The following GABPB2 variants were observed in gnomAD, a reference collection of about 807,000 sequenced individuals.
GABPB2 encodes the protein GA binding protein transcription factor subunit beta 2.
GABPB2 carries 23 observed loss-of-function variants against 39.1 expected under a neutral mutation model. The observed-to-expected ratio is 0.59, with a 90% CI of 0.42 to 0.83. The LOEUF (loss-of-function observed/expected upper bound fraction) is 0.83, where lower values mean the gene tolerates loss of function less well. Ranked by LOEUF, GABPB2 falls within the 40% of genes least tolerant of loss-of-function variation. GABPB2 has a pLI of 0.00. For missense variants in GABPB2, 467 were observed against 541.1 expected (o/e 0.86, Z 1.36); for synonymous variants, 184 against 199.3 (o/e 0.92, Z 0.65).
rs947675079 is a variant in GABPB2, at chr1:151,123,952, G to A, written c.*5696G>A. On this transcript the variant is annotated 3_prime_UTR_variant, in exon 9 of 9. Transcript: ENST00000368918. The stretch of plus-strand genomic sequence containing the variant: ...TCCCAGCACTTTGGGAGGCCGAGAT[G>A]GGAGGATCACTTGAGGCCAGGCCAG... The A allele has an allele frequency of 2.6e-5, 4 of 151,276 alleles. No individual in the cohort carries two copies. Among genetic ancestry groups the A allele is most frequent in the Admixed American group, 2.6e-4 (4 of 15,128 alleles). 9.4% of individuals were successfully genotyped at this position (151,276 alleles called of 1,614,324 possible).
Position 151,098,501 on chromosome 1 carries a change from T to TAA in GABPB2, c.622+514_622+515dup, listed in dbSNP as rs748009017. The stretch of plus-strand genomic sequence containing the variant: ...GGATGACAGAGCAAGACCCTGTCTC[T>TAA]AAAAAAAAAAAAAAAAGGAAAATAT... On this transcript the variant is annotated intron_variant, in intron 5 of 8. Transcript: ENST00000368918. 1.1e-3 allele frequency among the ~76,000 whole-genome samples: 127 copies of TAA among 117,502 alleles called. 3 individuals are homozygous for TAA. The South Asian group carries it at 0.029, about 27-fold the overall frequency. The allele number at this position is 117,502 out of a possible 152,430, so 77.1% of individuals were successfully genotyped here.
chr1:151,093,627 T>A (rs1017169705), intron 4 of GABPB2, among the ~76,000 whole-genome samples: 1 of 149,816 alleles, frequency 6.7e-6, no homozygotes, highest in Admixed American at 6.7e-5. Flanking sequence ...TTTTTTAATA[T>A]ATATATTCTA....
At chr1:151,112,233 A>AAC (rs1429279328) in intron 7 of GABPB2, 5 of 150,380 alleles carry the variant, frequency 3.3e-5, no homozygotes, top group African/African-American at 7.4e-5. Flanking sequence ...CAAAAAAAAA[A>AAC]AAAAAAAAAA....
chr1:151,090,499 A>T lies in GABPB2; in HGVS notation c.202A>T (p.Thr68Ser). ...LRAGVSRDARTKVDRTPLHMA... is the reference protein window; with the variant it reads ...LRAGVSRDARSKVDRTPLHMA... ...AGCAGGTGTTAGCAGGGATGCCCGGACTAAAGTAGACAGGACCCCCTTGCA... is the reference window on the plus strand; with the variant it reads ...AGCAGGTGTTAGCAGGGATGCCCGGTCTAAAGTAGACAGGACCCCCTTGCA... Residue 68 changes from threonine (T) to serine (S), a missense_variant, in exon 3 of 9, where the codon ACT becomes TCT. Physicochemically the swap from Thr to Ser is moderately conservative, Grantham distance 58. Coordinates refer to ENST00000368918, the MANE Select transcript of GABPB2 (RefSeq NM_144618.3). 1 of 1,614,142 alleles carries T rather than the reference A, an allele frequency of 6.2e-7. No individual in the cohort carries two copies. Among genetic ancestry groups the T allele is most frequent in the Non-Finnish European group, 8.5e-7 (1 of 1,179,998 alleles).
intron 7 of GABPB2, among the ~76,000 whole-genome samples, chr1:151,115,421 A>G (rs967333311): frequency 6.6e-6 from 1 of 150,648 alleles, no homozygotes; most frequent in Admixed American, 6.6e-5. Context: ...TTTTTTTTCA[A>G]ATGGAGTCTC....
chr1:151,080,510 T>TATAA (rs1558126612), intron 1 of GABPB2, among the ~76,000 whole-genome samples: 39 of 134,874 alleles, frequency 2.9e-4, no homozygotes, highest in African/African-American at 1.1e-3. Context: ...AAACTCCATC[T>TATAA]CTAAATAAAT....
intron 1 of GABPB2, among the ~76,000 whole-genome samples, chr1:151,078,640 T>C (rs75214292): frequency 0.032 from 4,821 of 152,006 alleles, 258 homozygotes; most frequent in African/African-American, 0.11. Flanking sequence ...CTTTTTTTGT[T>C]TTTGTTTGTT....
At position 151,121,927 on chromosome 1, in the gene GABPB2, T is replaced by C. The variant is rs1681198178; in HGVS notation, c.*3671T>C. Reference sequence around the variant, plus strand: ...AGAAACCAGAGGGAGATGTGCCAAGTAAACATTCGAATGACTGTTTAGAAT... The same window carrying C: ...AGAAACCAGAGGGAGATGTGCCAAGCAAACATTCGAATGACTGTTTAGAAT... On this transcript the variant is annotated 3_prime_UTR_variant, in exon 9 of 9. Coordinates refer to ENST00000368918, the MANE Select transcript of GABPB2 (RefSeq NM_144618.3). 1 of 152,204 alleles carries C rather than the reference T, an allele frequency of 6.6e-6. No homozygotes were observed. Among genetic ancestry groups the C allele is most frequent in the African/African-American group, 2.4e-5 (1 of 41,452 alleles). The allele number at this position is 152,204 out of a possible 1,614,324, so 9.4% of individuals were successfully genotyped here.
chr1:151,083,730 T>G (rs1677918269), intron 1 of GABPB2, among the ~76,000 whole-genome samples: 1 of 151,246 alleles, frequency 6.6e-6, no homozygotes, highest in South Asian at 2.1e-4. Flanking sequence ...ATTTTTTATT[T>G]TATTCATTTA....
At position 151,118,119 on chromosome 1, in the gene GABPB2, A is replaced by G. The variant is rs1681026255; in HGVS notation, c.1210A>G (p.Met404Val). The G allele has an allele frequency of 2.5e-6, 4 of 1,614,136 alleles. No individual in the cohort carries two copies. Among genetic ancestry groups the G allele is most frequent in the Non-Finnish European group, 3.4e-6 (4 of 1,180,026 alleles). The change falls in exon 9 of 9, where the codon ATG becomes GTG. Residue 404 changes from methionine (M) to valine (V), a missense_variant. Coordinates refer to ENST00000368918, the MANE Select transcript of GABPB2 (RefSeq NM_144618.3). Reference sequence around the variant, plus strand: ...GCAGCCCAATGGAGTTGATTTCACCATGGTTGAAGAGGTGGCTGAGGTAGA... The same window carrying G: ...GCAGCCCAATGGAGTTGATTTCACCGTGGTTGAAGAGGTGGCTGAGGTAGA... ...RQQPNGVDFT[M>V]VEEVAEVDAV...
At chr1:151,114,167 G>A (rs971149270) in intron 7 of GABPB2, among the ~76,000 whole-genome samples, 2 of 150,410 alleles carry the variant, frequency 1.3e-5, no homozygotes, top group African/African-American at 2.5e-5. Flanking sequence ...ACGATATGAC[G>A]AAACCCATCT....
intron 1 of GABPB2, among the ~76,000 whole-genome samples, chr1:151,076,671 C>G (rs1677191934): frequency 6.6e-6 from 1 of 152,042 alleles, no homozygotes; most frequent in Non-Finnish European, 1.5e-5. Flanking sequence ...CTCAGGTGAT[C>G]CACCCGCCTC....
At chr1:151,105,964 A>ATT (rs777292015) in intron 6 of GABPB2, among the ~76,000 whole-genome samples, 4 of 143,576 alleles carry the variant, frequency 2.8e-5, no homozygotes, top group Non-Finnish European at 3.1e-5. Flanking sequence ...GTTATTTTAG[A>ATT]TTTTTTTTTT....
At chr1:151,075,106 C>T (rs1677054556) in intron 1 of GABPB2, among the ~76,000 whole-genome samples, 1 of 152,040 alleles carries the variant, frequency 6.6e-6, no homozygotes, top group Non-Finnish European at 1.5e-5. Context: ...CGTGCCACCG[C>T]ACTCCAGTCT....
At chr1:151,090,289 G>A (rs1358709086) in intron 2 of GABPB2, 117 bp from the exon 3 acceptor site, 2 of 1,003,302 alleles carry the variant, frequency 2.0e-6, no homozygotes, top group Middle Eastern at 2.2e-4. Context: ...AGTTTTATCT[G>A]CCCAACCAGA....
At chr1:151,117,905 G>C (rs1271073805) in intron 8 of GABPB2, 52 bp from the exon 9 acceptor site, 1 of 1,545,128 alleles carries the variant, frequency 6.5e-7, no homozygotes, top group Non-Finnish European at 8.8e-7. Context: ...CTACTGTCTG[G>C]ATAATTTATG....
At chr1:151,088,548 T>A (rs587724322) in intron 2 of GABPB2, 2 of 877,788 alleles carry the variant, frequency 2.3e-6, no homozygotes, top group East Asian at 7.9e-5. Flanking sequence ...TCTATAATGT[T>A]TTTTAGAGTA....
Position 151,109,011 on chromosome 1 carries a change from A to G in GABPB2, c.922+1789A>G, listed in dbSNP as rs1257787189. On this transcript the variant is annotated intron_variant, in intron 7 of 8. Coordinates refer to ENST00000368918, the MANE Select transcript of GABPB2 (RefSeq NM_144618.3). Reference sequence around the variant, plus strand: ...AAATCAGCTGGGGCAACATAGCAAGACCCCCTCATCTCTACGCAATTTTTT... The same window carrying G: ...AAATCAGCTGGGGCAACATAGCAAGGCCCCCTCATCTCTACGCAATTTTTT... Among the ~76,000 whole-genome samples the G allele has an allele frequency of 5.3e-5, 8 of 151,398 alleles. No homozygotes were observed. In the Admixed American group the frequency reaches 5.3e-4, roughly 10 times the overall value.
chr1:151,100,580 CTTTT>C (rs35251516), intron 5 of GABPB2, among the ~76,000 whole-genome samples: 2 of 46,686 alleles, frequency 4.3e-5, no homozygotes, highest in Non-Finnish European at 7.6e-5. Context: ...TGTGCCTGGC[CTTTT>C]TTTTTTTTTT....
Sources: allele counts gnomAD v4.1 joint callset (sites outside exome capture counted in the v4.1 genomes callset), GRCh38; gene constraint gnomAD v4.1.1; transcripts MANE v1.5; gene names NCBI Gene and HGNC (gene_info 2026-07-23, HGNC 2026-07-21).